The following SEMA3D variants were observed in gnomAD, a reference collection of about 807,000 sequenced individuals.
SEMA3D encodes the protein semaphorin-3D.
Under a neutral mutation model 100.1 loss-of-function variants are expected in SEMA3D, and 84 were observed. That is an observed-to-expected ratio of 0.84 (90% CI 0.70 to 1.01). SEMA3D has a LOEUF of 1.01. Ranked by LOEUF, SEMA3D falls within the 50% of genes least tolerant of loss-of-function variation. The pLI is 0.00. For synonymous variants in SEMA3D, 312 were observed against 320.7 expected, an observed-to-expected ratio of 0.97 and a Z score of 0.29; for missense variants, 875 against 934.1, an observed-to-expected ratio of 0.94 and a Z score of 0.82.
intron 8 of SEMA3D, among the ~76,000 whole-genome samples, chr7:85,057,153 T>C (rs1791344342): frequency 6.6e-6 from 1 of 152,054 alleles, no homozygotes; most frequent in South Asian, 2.1e-4. Flanking sequence ...AGTGTAAAAA[T>C]GTTTGCAATA....
chr7:85,037,221 T>A (rs1021772818), intron 11 of SEMA3D, among the ~76,000 whole-genome samples, 188 bp from the exon 12 acceptor site: 1 of 152,200 alleles, frequency 6.6e-6, no homozygotes, highest in Non-Finnish European at 1.5e-5. Flanking sequence ...TAAAGTGTAA[T>A]AATAACTTCA....
chr7:85,114,913 TTAA>T (rs1179843908), intron 3 of SEMA3D, among the ~76,000 whole-genome samples: 1 of 152,182 alleles, frequency 6.6e-6, no homozygotes, highest in Non-Finnish European at 1.5e-5. Context: ...TGATTTAATA[TTAA>T]TAATCACTTT....
chr7:85,211,814 C>A, the SEMA3D span, among the ~76,000 whole-genome samples: 1 of 152,068 alleles, frequency 6.6e-6, no homozygotes, highest in African/African-American at 2.4e-5. Context: ...AAATGAATAA[C>A]TATATTTTAT....
rs551485478 is a variant in SEMA3D at position 85,029,640 on chromosome 7, A to G, written c.1192-7027T>C. The G allele has an allele frequency of 3.5e-4, 152 of 428,262 alleles. 2 individuals are homozygous for G. The Admixed American group carries it at 4.7e-3, about 13-fold the overall frequency. 26.5% of individuals were successfully genotyped at this position (428,262 alleles called of 1,614,324 possible). A position where few individuals can be genotyped will look rare whatever the true frequency, so the allele number is the denominator to read the frequency against. ...AATGCCAGGGGGATTTCCTGGTGGT[A>G]GAGCTCCTGCATCTGGTGGTGCTTT... is the stretch of plus-strand genomic sequence containing the variant. On this transcript the variant is annotated intron_variant, in intron 12 of 18. Transcript: ENST00000284136.
At chr7:85,229,089 A>G in the SEMA3D span, among the ~76,000 whole-genome samples, 1 of 151,934 alleles carries the variant, frequency 6.6e-6, no homozygotes, top group African/African-American at 2.4e-5. Flanking sequence ...TCTTATTTTC[A>G]TTGTATTTAT....
the SEMA3D span, among the ~76,000 whole-genome samples, chr7:85,217,167 T>G: frequency 6.6e-6 from 1 of 152,064 alleles, no homozygotes; most frequent in Non-Finnish European, 1.5e-5. Context: ...TTATCTGCAC[T>G]TCTCTAGCTA....
chr7:85,124,653 GCAAA>G (rs1789517236), intron 2 of SEMA3D, among the ~76,000 whole-genome samples: 2 of 152,076 alleles, frequency 1.3e-5, no homozygotes, highest in South Asian at 4.1e-4. Flanking sequence ...GACTGGAAAA[GCAAA>G]CAGAGACAGT....
intron 4 of SEMA3D, 62 bp downstream of exon 4, chr7:85,097,743 C>A: frequency 9.3e-7 from 1 of 1,080,444 alleles, no homozygotes; most frequent in Non-Finnish European, 1.3e-6. Context: ...CAAAACAAAA[C>A]GGGAGAAGAA....
intron 15 of SEMA3D, among the ~76,000 whole-genome samples, chr7:85,016,250 C>CTT (rs59812080): frequency 3.9e-5 from 5 of 128,760 alleles, no homozygotes; most frequent in Admixed American, 7.8e-5. Context: ...TTTGTGATTC[C>CTT]TTTTTTTTTT....
chr7:85,047,464 C>T (rs1791041854), intron 9 of SEMA3D, among the ~76,000 whole-genome samples: 1 of 151,810 alleles, frequency 6.6e-6, no homozygotes, highest in African/African-American at 2.4e-5. Context: ...GGTCACTATG[C>T]TGGGTTCCTC....
intron 8 of SEMA3D, among the ~76,000 whole-genome samples, chr7:85,058,685 T>C (rs1301639840): frequency 2.0e-5 from 3 of 149,210 alleles, no homozygotes. Context: ...GAGGCGCAGC[T>C]TGCAGTGAGA....
chr7:85,140,190 TG>T lies in SEMA3D; in HGVS notation c.-41+13417del. 2 of 523,304 alleles carry T rather than the reference TG, an allele frequency of 3.8e-6. 1 individual carries two copies. The allele number at this position is 523,304 out of a possible 1,614,324, so 32.4% of individuals were successfully genotyped here. Reference sequence around the variant, plus strand: ...TAAGTTTATAAGAGCATTTATTTAATGTTTTTTAACATCAATAAAAATGTTT... The same window carrying T: ...TAAGTTTATAAGAGCATTTATTTAATTTTTTTAACATCAATAAAAATGTTT... On this transcript the variant is annotated intron_variant, in intron 2 of 18. Transcript: ENST00000284136.
chr7:85,193,432 T>C, the SEMA3D span, among the ~76,000 whole-genome samples: 13 of 151,800 alleles, frequency 8.6e-5, no homozygotes, highest in Admixed American at 5.3e-4. Flanking sequence ...AGAAAGAAAA[T>C]AATCATTTAA....
chr7:85,056,890 C>CATAA (rs1554337228), intron 8 of SEMA3D, among the ~76,000 whole-genome samples: 1 of 138,566 alleles, frequency 7.2e-6, no homozygotes, highest in African/African-American at 2.6e-5. Flanking sequence ...ACATATACAG[C>CATAA]ATATATATAT....
rs543688640 is a variant in SEMA3D, at chr7:85,129,860, C to T, written c.-40-7929G>A. ...AAACATTTAATCTAAAAAAACTGCA[C>T]GTAGCAGGAAAACTATGACCTTGAG... On this transcript the variant is annotated intron_variant, in intron 2 of 18. Transcript: ENST00000284136. Among the ~76,000 whole-genome samples, 33 of 152,088 alleles carry T rather than the reference C, an allele frequency of 2.2e-4. No homozygotes were observed. In the South Asian group the frequency reaches 6.0e-3, roughly 28 times the overall value.
At chr7:85,230,823 C>T in the SEMA3D span, among the ~76,000 whole-genome samples, 1 of 152,198 alleles carries the variant, frequency 6.6e-6, no homozygotes, top group East Asian at 1.9e-4. Flanking sequence ...TCTGCTTCCT[C>T]TCCATGTCGA....
chr7:85,026,504 G>A (rs912369260), intron 12 of SEMA3D, among the ~76,000 whole-genome samples: 1 of 151,984 alleles, frequency 6.6e-6, no homozygotes, highest in Non-Finnish European at 1.5e-5. Context: ...ACACAAATGG[G>A]AAGATAGTGT....
chr7:85,219,544 A>G, the SEMA3D span, among the ~76,000 whole-genome samples: 7 of 152,186 alleles, frequency 4.6e-5, no homozygotes, highest in Middle Eastern at 3.4e-3. Flanking sequence ...TAAATGGAAT[A>G]TATATAGTAA....
intron 14 of SEMA3D, 52 bp from the exon 15 acceptor site, chr7:85,018,345 A>C: frequency 8.8e-7 from 1 of 1,129,968 alleles, no homozygotes; most frequent in Non-Finnish European, 1.3e-6. Context: ...AGGTTTTTAT[A>C]TTAAACAATA....
Sources: allele counts gnomAD v4.1 joint callset (sites outside exome capture counted in the v4.1 genomes callset), GRCh38; gene constraint gnomAD v4.1.1; transcripts MANE v1.5; gene names NCBI Gene and HGNC (gene_info 2026-07-23, HGNC 2026-07-21).